Variants in LRP1B observed in about 807,000 individuals in gnomAD.
The protein encoded by LRP1B is LDL receptor related protein 1B.
LRP1B carries 217 observed loss-of-function variants against 556.6 expected under a neutral mutation model. That is an observed-to-expected ratio of 0.39 (90% CI 0.35 to 0.44). The LOEUF (loss-of-function observed/expected upper bound fraction) is 0.44. Among genes scored for constraint, LRP1B ranks in the 20% least tolerant of loss-of-function variants. LRP1B has a pLI of 1.00. For missense variants in LRP1B, 5,053 were observed against 5,620.8 expected (o/e 0.90, Z 3.23); for synonymous variants, 2,047 against 1,865.8 (o/e 1.10, Z -2.50).
chr2:140,642,889 A>C (rs1388024190), intron 41 of LRP1B, among the ~76,000 whole-genome samples: 3 of 152,098 alleles, frequency 2.0e-5, no homozygotes, highest in African/African-American at 7.2e-5. Context: ...TGGACTAAGA[A>C]TATTTCTTAA....
intron 89 of LRP1B, among the ~76,000 whole-genome samples, chr2:140,235,942 C>T (rs1233102800): frequency 6.6e-6 from 1 of 150,934 alleles, no homozygotes; most frequent in African/African-American, 2.4e-5. Context: ...CTTTCTCCTT[C>T]ATAGATATAA....
At chr2:140,379,664 C>T (rs1291427395) in intron 67 of LRP1B, among the ~76,000 whole-genome samples, 1 of 152,066 alleles carries the variant, frequency 6.6e-6, no homozygotes, top group African/African-American at 2.4e-5. Context: ...CACTGCATTC[C>T]AGCCTGGGCG....
chr2:140,723,070 A>T (rs1395622490), intron 35 of LRP1B, among the ~76,000 whole-genome samples: 1 of 152,140 alleles, frequency 6.6e-6, no homozygotes, highest in East Asian at 1.9e-4. Context: ...AATGAAATAA[A>T]ATAGTAAAGG....
intron 2 of LRP1B, among the ~76,000 whole-genome samples, chr2:141,532,044 G>A (rs1158584698): frequency 6.6e-6 from 1 of 152,116 alleles, no homozygotes; most frequent in Non-Finnish European, 1.5e-5. Context: ...AGATGAATCA[G>A]CTTGGGAAGA....
At chr2:140,957,941 G>A (rs1695922023) in intron 18 of LRP1B, among the ~76,000 whole-genome samples, 1 of 151,474 alleles carries the variant, frequency 6.6e-6, no homozygotes, top group Non-Finnish European at 1.5e-5. Flanking sequence ...CTTGAAAATA[G>A]ATGATCACAA....
intron 25 of LRP1B, among the ~76,000 whole-genome samples, chr2:140,875,532 A>AGT (rs1693278665): frequency 6.6e-6 from 1 of 152,094 alleles, no homozygotes; most frequent in East Asian, 1.9e-4. Context: ...CTCTTTTTTG[A>AGT]AATCCTTGAG....
intron 66 of LRP1B, among the ~76,000 whole-genome samples, chr2:140,433,902 G>A (rs1339930122): frequency 6.6e-6 from 1 of 151,308 alleles, no homozygotes; most frequent in Admixed American, 6.6e-5. Flanking sequence ...TTAAATACTG[G>A]GTGTGTGTCT....
intron 7 of LRP1B, among the ~76,000 whole-genome samples, chr2:141,133,133 G>A (rs766685668): frequency 1.3e-5 from 2 of 151,910 alleles, no homozygotes; most frequent in Non-Finnish European, 2.9e-5. Context: ...ACAAATTGAT[G>A]CTTGAAAGTC....
At chr2:141,275,271 T>C (rs562937645) in intron 3 of LRP1B, among the ~76,000 whole-genome samples, 2 of 152,364 alleles carry the variant, frequency 1.3e-5, no homozygotes, top group South Asian at 4.1e-4. Flanking sequence ...GTGAAAACAG[T>C]GAATATTGGT....
chr2:140,517,546 G>A (rs1208055962), intron 49 of LRP1B, among the ~76,000 whole-genome samples: 1 of 151,830 alleles, frequency 6.6e-6, no homozygotes, highest in Non-Finnish European at 1.5e-5. Context: ...AAGAATAAAC[G>A]AGTTACACTG....
intron 3 of LRP1B, among the ~76,000 whole-genome samples, chr2:141,391,922 A>G (rs900237703): frequency 1.3e-5 from 2 of 152,190 alleles, no homozygotes; most frequent in African/African-American, 4.8e-5. Flanking sequence ...TTTTACCCCT[A>G]TGATGTACCC....
intron 7 of LRP1B, among the ~76,000 whole-genome samples, chr2:141,180,631 G>C (rs1680947665): frequency 1.3e-5 from 2 of 151,726 alleles, no homozygotes; most frequent in African/African-American, 4.8e-5. Context: ...TAAAAACAGG[G>C]ATATGAGTGT....
intron 1 of LRP1B, among the ~76,000 whole-genome samples, chr2:141,928,999 G>A (rs1313374323): frequency 6.6e-6 from 1 of 152,044 alleles, no homozygotes; most frequent in African/African-American, 2.4e-5. Context: ...TTGAGAAATA[G>A]ACAGCTGCCT....
At chr2:140,553,073 A>G (rs956409447) in intron 43 of LRP1B, among the ~76,000 whole-genome samples, 7 of 152,092 alleles carry the variant, frequency 4.6e-5, no homozygotes, top group Non-Finnish European at 1.0e-4. Flanking sequence ...TTTAAAAACC[A>G]GGAACTGGGA....
At chr2:141,728,567 C>G (rs1693138666) in intron 2 of LRP1B, among the ~76,000 whole-genome samples, 1 of 152,062 alleles carries the variant, frequency 6.6e-6, no homozygotes, top group South Asian at 2.1e-4. Context: ...GACTGAATCA[C>G]CACGGGAATA....
At chr2:141,714,446 G>T (rs1465056662) in intron 2 of LRP1B, among the ~76,000 whole-genome samples, 1 of 123,196 alleles carries the variant, frequency 8.1e-6, no homozygotes, top group Non-Finnish European at 1.7e-5. Flanking sequence ...GTCTCTGTAG[G>T]CTCTTTTTTT....
intron 20 of LRP1B, among the ~76,000 whole-genome samples, chr2:140,939,043 A>T (rs557494546): frequency 2.4e-4 from 37 of 152,174 alleles, no homozygotes; most frequent in Non-Finnish European, 3.4e-4. Context: ...CTCGATTGAT[A>T]TGATTAGTCT....
chr2:140,890,153 T>A (rs1693756264), intron 23 of LRP1B, among the ~76,000 whole-genome samples: 1 of 147,948 alleles, frequency 6.8e-6, no homozygotes, highest in African/African-American at 2.5e-5. Context: ...ATAACTTGTG[T>A]ATATATAAAA....
chr2:141,593,045 T>C (rs1687396149), intron 2 of LRP1B, among the ~76,000 whole-genome samples: 1 of 152,094 alleles, frequency 6.6e-6, no homozygotes, highest in African/African-American at 2.4e-5. Flanking sequence ...TCTGCCAAAA[T>C]TTGGGAAATA....
Sources: allele counts gnomAD v4.1 joint callset (sites outside exome capture counted in the v4.1 genomes callset), GRCh38; gene constraint gnomAD v4.1.1; transcripts MANE v1.5; gene names NCBI Gene and HGNC (gene_info 2026-07-23, HGNC 2026-07-21).